Variants in MAP3K19 observed in about 807,000 individuals in gnomAD.
MAP3K19 encodes SPS1/STE20-related protein kinase YSK4.
A neutral mutation model predicts 114.4 loss-of-function variants in MAP3K19; 91 were observed. That is an observed-to-expected ratio of 0.80 (90% CI 0.67 to 0.95). The LOEUF (loss-of-function observed/expected upper bound fraction) is 0.95, where lower values mean the gene tolerates loss of function less well. MAP3K19 is among the 40% of genes least tolerant of loss of function. MAP3K19 has a pLI of 0.00. For missense variants in MAP3K19, 1,471 were observed against 1,573.2 expected (o/e 0.94, Z 1.10); for synonymous variants, 518 against 530.5 (o/e 0.98, Z 0.32).
At chr2:135,008,139 T>C (rs1422000167) in intron 5 of MAP3K19, among the ~76,000 whole-genome samples, 1 of 152,158 alleles carries the variant, frequency 6.6e-6, no homozygotes, top group African/African-American at 2.4e-5. Flanking sequence ...TTTTTTTTTT[T>C]TGAGATGGAG....
chr2:134,968,604 C>G (rs1225451364), intron 12 of MAP3K19, among the ~76,000 whole-genome samples: 22 of 144,014 alleles, frequency 1.5e-4, no homozygotes, highest in Admixed American at 2.7e-4. Context: ...GGGGCGGTTG[C>G]CAGGCAGAGG....
Position 134,986,352 on chromosome 2 carries a change from A to G in MAP3K19, c.2520T>C (p.Leu840=). ...LTTSLRDLQE[L]EELHHQIPFI... ...ATGGGATCTGGTGATGTAGCTCTTC[A>G]AGTTCTTGCAGATCTCTGAGGCTTG... Residue 840 remains leucine (L), a synonymous_variant, in exon 10 of 13, where the codon CTT becomes CTC. Coordinates refer to ENST00000392915, the MANE Select transcript of MAP3K19 (RefSeq NM_025052.5). 1 of 1,613,662 alleles carries G rather than the reference A, an allele frequency of 6.2e-7. No individual in the cohort carries two copies. Among genetic ancestry groups the G allele is most frequent in the Non-Finnish European group, 8.5e-7 (1 of 1,179,874 alleles).
chr2:135,025,086 A>AT (rs1366880749), intron 3 of MAP3K19, among the ~76,000 whole-genome samples: 1 of 151,982 alleles, frequency 6.6e-6, no homozygotes, highest in African/African-American at 2.4e-5. Context: ...ATATTTTTAA[A>AT]TTTTTTTCAA....
intron 12 of MAP3K19, among the ~76,000 whole-genome samples, chr2:134,971,127 G>C (rs1238218640): frequency 1.3e-5 from 2 of 152,158 alleles, no homozygotes; most frequent in Non-Finnish European, 2.9e-5. Context: ...TTATCACAAA[G>C]GGATGTTGGA....
At chr2:134,968,176 G>T (rs1413329033) in intron 12 of MAP3K19, among the ~76,000 whole-genome samples, 1 of 148,996 alleles carries the variant, frequency 6.7e-6, no homozygotes, top group Non-Finnish European at 1.5e-5. Context: ...AGGGTTGGGG[G>T]TAAGGTCACA....
At chr2:134,982,184 T>C (rs1684726746) in intron 11 of MAP3K19, among the ~76,000 whole-genome samples, 1 of 141,644 alleles carries the variant, frequency 7.1e-6, no homozygotes, top group Non-Finnish European at 1.5e-5. Context: ...GTGGCCCTGA[T>C]CATATCTCAC....
At chr2:135,029,169 G>A (rs373994239) in intron 3 of MAP3K19, among the ~76,000 whole-genome samples, 1 of 152,130 alleles carries the variant, frequency 6.6e-6, no homozygotes, top group Non-Finnish European at 1.5e-5. Context: ...TCAGGAGATC[G>A]AGACCAACCT....
In MAP3K19 at chr2:134,981,152, T is replaced by G; in HGVS notation, c.3589A>C (p.Thr1197Pro). Residue 1197 changes from threonine (T) to proline (P), a missense_variant, in exon 12 of 13, where the codon ACT (threonine) becomes CCT (proline). Thr to Pro is a conservative substitution (Grantham distance 38). Coordinates refer to ENST00000392915, the MANE Select transcript of MAP3K19 (RefSeq NM_025052.5). ...IKGNNVMLMP[T>P]GIIKLIDFGC... ...AAGTCAATCAGCTTTATTATTCCAG[T>G]TGGCATGAGCATAACATTATTTCCT... 6.2e-7 allele frequency: 1 copy of G among 1,614,186 alleles called. No individual in the cohort carries two copies. The highest frequency in any genetic ancestry group is 8.5e-7 in the Non-Finnish European group (1 of 1,180,048).
chr2:134,988,809 A>T (rs887709570), intron 9 of MAP3K19, among the ~76,000 whole-genome samples: 9 of 152,240 alleles, frequency 5.9e-5, no homozygotes, highest in South Asian at 2.1e-4. Flanking sequence ...ATATATTTTT[A>T]AATGAAGGCC....
rs1282908518 is a variant in MAP3K19 at position 134,998,982 on chromosome 2, C to T, written c.330G>A (p.Ser110=). 2.5e-6 allele frequency: 4 copies of T among 1,612,984 alleles called. No individual in the cohort carries two copies. Among genetic ancestry groups the T allele is most frequent in the South Asian group, 1.1e-5 (1 of 90,800 alleles). The change falls in exon 8 of 13, where the codon TCG becomes TCA. Residue 110 remains serine, a synonymous_variant. Transcript: ENST00000392915. ...DLKEKNLINS[S]LQEWAQAHAV... is the part of the protein sequence containing the mutation. The stretch of plus-strand genomic sequence containing the variant: ...CATGTGCTTGTGCCCATTCTTGAAG[C>T]GATGAGTTTATCAGACTAAAGGGGG...
intron 1 of MAP3K19, among the ~76,000 whole-genome samples, chr2:135,045,950 G>T (rs1421463517): frequency 6.6e-6 from 1 of 151,994 alleles, no homozygotes; most frequent in Non-Finnish European, 1.5e-5. Context: ...TTAGAGATGG[G>T]GTCTCACTCT....
At chr2:135,013,413 C>T (rs942366014) in intron 5 of MAP3K19, among the ~76,000 whole-genome samples, 18 of 152,008 alleles carry the variant, frequency 1.2e-4, no homozygotes, top group African/African-American at 4.4e-4. Context: ...ATTAACATCG[C>T]CCTCCAGAGT....
chr2:134,970,024 T>C (rs1273062973), intron 12 of MAP3K19, among the ~76,000 whole-genome samples: 1 of 152,172 alleles, frequency 6.6e-6, no homozygotes, highest in Non-Finnish European at 1.5e-5. Context: ...TTGTAATATA[T>C]TTTGTATATA....
intron 9 of MAP3K19, 30 bp downstream of exon 9, chr2:134,991,507 T>G: frequency 1.9e-6 from 3 of 1,601,408 alleles, no homozygotes; most frequent in Middle Eastern, 1.7e-4. Context: ...GTTTTAATTC[T>G]CAAGTCAAAA....
At chr2:135,028,558 A>T (rs1688307691) in intron 3 of MAP3K19, among the ~76,000 whole-genome samples, 1 of 77,530 alleles carries the variant, frequency 1.3e-5, no homozygotes, top group African/African-American at 1.2e-4. Context: ...ACTCTGTCTC[A>T]AAAAAAAAAA....
intron 6 of MAP3K19, among the ~76,000 whole-genome samples, chr2:135,001,576 T>C (rs1054349017): frequency 6.6e-6 from 1 of 152,222 alleles, no homozygotes; most frequent in African/African-American, 2.4e-5. Context: ...TTTTTGTAGT[T>C]ATCCTTGAGT....
chr2:135,033,524 C>T (rs1353960260), intron 2 of MAP3K19, among the ~76,000 whole-genome samples: 14 of 89,238 alleles, frequency 1.6e-4, no homozygotes, highest in Middle Eastern at 9.8e-3. Flanking sequence ...TAGGGGCAGC[C>T]GGGCAGAGGC....
intron 12 of MAP3K19, among the ~76,000 whole-genome samples, chr2:134,969,157 A>G (rs4481047): frequency 0.39 from 59,397 of 151,768 alleles, 13,134 homozygotes; most frequent in East Asian, 0.73. Context: ...AGACCGGCCC[A>G]GCCAACACAG....
chr2:135,045,806 A>C (rs1241004002), intron 1 of MAP3K19, among the ~76,000 whole-genome samples: 3 of 152,252 alleles, frequency 2.0e-5, no homozygotes. Context: ...TTATTTGGCC[A>C]TTTATTGTCT....
Sources: allele counts gnomAD v4.1 joint callset (sites outside exome capture counted in the v4.1 genomes callset), GRCh38; gene constraint gnomAD v4.1.1; transcripts MANE v1.5; gene names NCBI Gene and HGNC (gene_info 2026-07-23, HGNC 2026-07-21).